APBA2: variants seen among roughly 807,000 people sequenced by gnomAD.
APBA2 encodes the protein amyloid beta precursor protein binding family A member 2, also known as amyloid-beta A4 precursor protein-binding family A member 2.
Under a neutral mutation model 75.0 loss-of-function variants are expected in APBA2, and 30 were observed. That is an observed-to-expected ratio of 0.40 (90% CI 0.30 to 0.54). APBA2 has a LOEUF of 0.54. Ranked by LOEUF, APBA2 falls within the 20% of genes least tolerant of loss-of-function variation. APBA2 has a pLI of 0.49. For missense variants in APBA2, 801 were observed against 1,016.1 expected (o/e 0.79, Z 2.88); for synonymous variants, 444 against 409.6 (o/e 1.08, Z -1.01).
chr15:28,914,824 C>T (rs1209793601), intron 1 of APBA2, among the ~76,000 whole-genome samples: 3,438 of 152,008 alleles, frequency 0.023, 125 homozygotes, highest in African/African-American at 0.073. Flanking sequence ...CCTGGCCACT[C>T]GCCAACTGAG....
intron 6 of APBA2, among the ~76,000 whole-genome samples, chr15:29,081,660 T>C (rs2043087510): frequency 6.6e-6 from 1 of 152,220 alleles, no homozygotes; most frequent in Non-Finnish European, 1.5e-5. Context: ...AAATAGACAT[T>C]GCACTGGCCA....
chr15:29,034,295 A>G (rs2040635896), intron 3 of APBA2, among the ~76,000 whole-genome samples: 1 of 152,176 alleles, frequency 6.6e-6, no homozygotes, highest in Non-Finnish European at 1.5e-5. Context: ...CCAACCCTCT[A>G]GTAGCTAGTT....
chr15:28,956,320 G>A (rs2036164666), intron 2 of APBA2, among the ~76,000 whole-genome samples: 1 of 151,946 alleles, frequency 6.6e-6, no homozygotes, highest in Admixed American at 6.6e-5. Context: ...GCTGGATTGA[G>A]ATGCAAGGAG....
intron 2 of APBA2, among the ~76,000 whole-genome samples, chr15:28,933,690 G>A (rs1200758520): frequency 3.3e-5 from 5 of 152,226 alleles, no homozygotes; most frequent in Non-Finnish European, 7.3e-5. Flanking sequence ...TTGGTCCAAA[G>A]TCAGGGCCTG....
Position 29,117,345 on chromosome 15 carries a change from T to A in APBA2, c.*212T>A, listed in dbSNP as rs1214163767. ...CAAAGGAGAGTCACAGAACAAATGT[T>A]TGTTTGTAAAGCGTTCCAAGTATTT... is the stretch of plus-strand genomic sequence containing the variant. On this transcript the variant is annotated 3_prime_UTR_variant, in exon 15 of 15. Coordinates refer to ENST00000683413, the MANE Select transcript of APBA2 (RefSeq NM_001353788.2). 15 of 600,710 alleles carry A rather than the reference T, an allele frequency of 2.5e-5. No homozygotes were observed. In the East Asian group the frequency reaches 3.3e-4, roughly 13 times the overall value. The allele number at this position is 600,710 out of a possible 1,614,324, so 37.2% of individuals were successfully genotyped here.
intron 2 of APBA2, among the ~76,000 whole-genome samples, chr15:28,940,882 G>T (rs1039645543): frequency 6.6e-6 from 1 of 152,022 alleles, no homozygotes; most frequent in Non-Finnish European, 1.5e-5. Flanking sequence ...CATTAAAAGA[G>T]GAAAAAAACT....
chr15:29,060,054 C>T (rs987767592), intron 4 of APBA2, among the ~76,000 whole-genome samples: 1 of 152,148 alleles, frequency 6.6e-6, no homozygotes, highest in Non-Finnish European at 1.5e-5. Flanking sequence ...CATGAACTCC[C>T]AAGGCCTCTC....
intron 2 of APBA2, among the ~76,000 whole-genome samples, chr15:28,947,201 G>A (rs1441086218): frequency 6.6e-6 from 1 of 152,152 alleles, no homozygotes; most frequent in South Asian, 2.1e-4. Flanking sequence ...AATGATAAAC[G>A]CTGGGCCCTT....
intron 2 of APBA2, 97 bp from the exon 3 acceptor site, chr15:28,995,656 A>T (rs975444611): frequency 6.6e-6 from 1 of 152,182 alleles, no homozygotes; most frequent in Non-Finnish European, 1.5e-5. Flanking sequence ...TCAAAGCCTC[A>T]TATTTACATT....
At chr15:29,047,810 A>G (rs1158184062) in intron 3 of APBA2, among the ~76,000 whole-genome samples, 1 of 152,262 alleles carries the variant, frequency 6.6e-6, no homozygotes, top group East Asian at 1.9e-4. Context: ...ATAGCTTAGT[A>G]AAATCTATTT....
intron 2 of APBA2, among the ~76,000 whole-genome samples, chr15:28,932,911 G>A (rs893232886): frequency 2.0e-5 from 3 of 152,090 alleles, no homozygotes; most frequent in African/African-American, 7.2e-5. Flanking sequence ...CCACAGATTG[G>A]GTAATTTATA....
intron 13 of APBA2, among the ~76,000 whole-genome samples, chr15:29,111,815 A>C (rs1274314997): frequency 1.3e-5 from 2 of 152,124 alleles, no homozygotes; most frequent in Admixed American, 6.5e-5. Flanking sequence ...GCTGAGGTGC[A>C]CTGGGGCTCC....
At chr15:28,994,726 A>C (rs547369790) in intron 2 of APBA2, among the ~76,000 whole-genome samples, 2 of 152,186 alleles carry the variant, frequency 1.3e-5, no homozygotes, top group South Asian at 4.2e-4. Flanking sequence ...TTTCTTAGAG[A>C]AGTGAAGACG....
intron 1 of APBA2, among the ~76,000 whole-genome samples, chr15:28,906,842 A>G (rs1193392530): frequency 1.3e-5 from 2 of 151,776 alleles, no homozygotes; most frequent in African/African-American, 4.9e-5. Context: ...TGACTTGTGA[A>G]GGTTTTTTTT....
chr15:29,092,852 A>G (rs995474989), intron 6 of APBA2, among the ~76,000 whole-genome samples: 3 of 152,174 alleles, frequency 2.0e-5, no homozygotes, highest in Non-Finnish European at 4.4e-5. Flanking sequence ...GTTTGTGCAG[A>G]GTTTTCTGGC....
intron 6 of APBA2, among the ~76,000 whole-genome samples, chr15:29,082,927 C>T (rs1040463720): frequency 6.6e-6 from 1 of 151,922 alleles, no homozygotes; most frequent in Admixed American, 6.6e-5. Flanking sequence ...CTGAGCGCAG[C>T]AGCACGTGCC....
chr15:29,049,610 C>A (rs2041502456), intron 3 of APBA2, among the ~76,000 whole-genome samples: 1 of 152,186 alleles, frequency 6.6e-6, no homozygotes, highest in African/African-American at 2.4e-5. Context: ...CTTCACATCT[C>A]AACAGTGAAG....
chr15:29,069,433 A>G (rs911519112), intron 4 of APBA2, among the ~76,000 whole-genome samples: 3 of 152,228 alleles, frequency 2.0e-5, no homozygotes, highest in African/African-American at 7.2e-5. Context: ...TAGGAACCAC[A>G]GATGTTTTCC....
At chr15:28,954,954 C>T (rs960375196) in intron 2 of APBA2, among the ~76,000 whole-genome samples, 4 of 152,022 alleles carry the variant, frequency 2.6e-5, no homozygotes, top group Non-Finnish European at 5.9e-5. Flanking sequence ...ATGTGGACAC[C>T]GACTGGTAGG....
Sources: allele counts gnomAD v4.1 joint callset (sites outside exome capture counted in the v4.1 genomes callset), GRCh38; gene constraint gnomAD v4.1.1; transcripts MANE v1.5; gene names NCBI Gene and HGNC (gene_info 2026-07-23, HGNC 2026-07-21).